Variants in CHL1 observed in about 807,000 individuals in gnomAD.
The protein encoded by CHL1 is cell adhesion molecule L1 like.
CHL1 carries 96 observed loss-of-function variants against 141.9 expected under a neutral mutation model. That is an observed-to-expected ratio of 0.68 (90% CI 0.57 to 0.80). The LOEUF (loss-of-function observed/expected upper bound fraction) is 0.80, where lower values mean the gene tolerates loss of function less well. Among genes scored for constraint, CHL1 ranks in the 30% least tolerant of loss-of-function variants. The pLI is 0.00. For synonymous variants in CHL1, 613 were observed against 502.2 expected, an observed-to-expected ratio of 1.22 and a Z score of -2.95; for missense variants, 1,820 against 1,457.2, an observed-to-expected ratio of 1.25 and a Z score of -4.05.
At chr3:356,040 C>T (rs116482798) in intron 11 of CHL1, among the ~76,000 whole-genome samples, 15 of 152,224 alleles carry the variant, frequency 9.9e-5, no homozygotes, top group Middle Eastern at 3.4e-3. Context: ...AAAAACAGCC[C>T]CCCGTAAGGT....
At chr3:234,369 C>T (rs764585139) in intron 1 of CHL1, among the ~76,000 whole-genome samples, 3 of 152,034 alleles carry the variant, frequency 2.0e-5, no homozygotes, top group Admixed American at 6.6e-5. Context: ...GGGTAGAAAG[C>T]GAGTTTCTGC....
intron 1 of CHL1, among the ~76,000 whole-genome samples, chr3:240,684 A>T (rs969982420): frequency 6.6e-6 from 1 of 152,156 alleles, no homozygotes; most frequent in South Asian, 2.1e-4. Context: ...CAATGTCTAG[A>T]AGAGTTTTTC....
At chr3:322,644 A>AAATATATATATATATATATATATAT (rs1559252578) in intron 3 of CHL1, among the ~76,000 whole-genome samples, 1 of 82,684 alleles carries the variant, frequency 1.2e-5, no homozygotes, top group African/African-American at 1.0e-4. Context: ...TATATATATA[A>AAATATATATATATATATATATATAT]AATATATATA....
chr3:238,319 A>G (rs560465067), intron 1 of CHL1, among the ~76,000 whole-genome samples: 1 of 152,268 alleles, frequency 6.6e-6, no homozygotes, highest in East Asian at 1.9e-4. Flanking sequence ...AATATTGACT[A>G]AAAGCTGAGG....
At chr3:230,885 A>G (rs1701797136) in intron 1 of CHL1, among the ~76,000 whole-genome samples, 2 of 152,110 alleles carry the variant, frequency 1.3e-5, no homozygotes, top group Admixed American at 1.3e-4. Flanking sequence ...CAGATCAGAG[A>G]TGATTTTTGA....
At position 242,604 on chromosome 3, in the gene CHL1, T is replaced by TA. The variant is rs550769338; in HGVS notation, c.-174-2006dup. ...GAGTGGGACTCCATCTCAAAATAAATAAATAAAATAAAATAAAATAAAATA... is the reference window on the plus strand; with the variant it reads ...GAGTGGGACTCCATCTCAAAATAAATAAAATAAAATAAAATAAAATAAAATA... On this transcript the variant is annotated intron_variant, in intron 1 of 27. Transcript: ENST00000256509. Among the ~76,000 whole-genome samples the TA allele has an allele frequency of 9.0e-4, 96 of 106,710 alleles. 1 individual carries two copies. Among genetic ancestry groups the TA allele is most frequent in the South Asian group, 6.3e-3 (25 of 3,956 alleles). The allele number at this position is 106,710 out of a possible 152,430, so 70.0% of individuals were successfully genotyped here.
At chr3:313,096 G>A (rs1699885590) in intron 2 of CHL1, among the ~76,000 whole-genome samples, 1 of 152,036 alleles carries the variant, frequency 6.6e-6, no homozygotes, top group South Asian at 2.1e-4. Flanking sequence ...TTGGCTGTGT[G>A]CATTCCATGT....
Position 405,959 on chromosome 3 carries a change from G to T in CHL1, c.*248G>T. On this transcript the variant is annotated 3_prime_UTR_variant, in exon 28 of 28. Transcript: ENST00000256509. Reference sequence around the variant, plus strand: ...AAATGCAAAACACAAAACAAATCCTGCATTTAGATACACCTCAACTAAATC... The same window carrying T: ...AAATGCAAAACACAAAACAAATCCTTCATTTAGATACACCTCAACTAAATC... 2.5e-6 allele frequency: 1 copy of T among 406,692 alleles called. No homozygotes were observed. Among genetic ancestry groups the T allele is most frequent in the Non-Finnish European group, 4.5e-6 (1 of 220,286 alleles). 25.2% of individuals were successfully genotyped at this position (406,692 alleles called of 1,614,324 possible). A position where few individuals can be genotyped will look rare whatever the true frequency, so the allele number is the denominator to read the frequency against.
Position 307,642 on chromosome 3 carries a change from A to T in CHL1, c.-94-12041A>T, listed in dbSNP as rs114564291. Among the ~76,000 whole-genome samples the T allele has an allele frequency of 1.9e-3, 294 of 152,190 alleles. 3 individuals carry two copies. Among genetic ancestry groups the T allele is most frequent in the African/African-American group, 6.8e-3 (284 of 41,540 alleles). ...CTGAGCAAACATTTCTAGCAAATCC[A>T]CCAATATATACAACACTACTTGTTT... On this transcript the variant is annotated intron_variant, in intron 2 of 27. Transcript: ENST00000256509.
intron 10 of CHL1, among the ~76,000 whole-genome samples, chr3:352,746 TA>T (rs1444434405): frequency 6.6e-6 from 1 of 152,146 alleles, no homozygotes; most frequent in East Asian, 1.9e-4. Context: ...CAAGCAATTA[TA>T]AAGAAAGCTT....
intron 2 of CHL1, among the ~76,000 whole-genome samples, chr3:289,481 T>C (rs952981125): frequency 5.3e-5 from 8 of 152,186 alleles, no homozygotes; most frequent in African/African-American, 9.6e-5. Flanking sequence ...TATGTATTTA[T>C]CCATCTCTCA....
intron 2 of CHL1, among the ~76,000 whole-genome samples, chr3:284,410 C>A (rs1184236274): frequency 1.3e-5 from 2 of 152,206 alleles, no homozygotes; most frequent in Non-Finnish European, 2.9e-5. Context: ...ACTTGCTTCT[C>A]TACCCATATT....
intron 1 of CHL1, among the ~76,000 whole-genome samples, chr3:212,223 G>T (rs1699957729): frequency 6.6e-6 from 1 of 151,940 alleles, no homozygotes; most frequent in Non-Finnish European, 1.5e-5. Flanking sequence ...CTTGTTGGGG[G>T]TTCTGGAACC....
At chr3:287,327 T>C (rs1697251614) in intron 2 of CHL1, among the ~76,000 whole-genome samples, 1 of 152,180 alleles carries the variant, frequency 6.6e-6, no homozygotes, top group Non-Finnish European at 1.5e-5. Flanking sequence ...CTGTGCCAGG[T>C]ACATGCAGAC....
At chr3:342,862 G>A in intron 7 of CHL1, 122 bp from the exon 8 acceptor site, 1 of 653,796 alleles carries the variant, frequency 1.5e-6, no homozygotes, top group East Asian at 2.8e-5. Flanking sequence ...CAATGTTCTA[G>A]TGAAGCATGG....
chr3:305,135 AG>A (rs1699113861), intron 2 of CHL1, among the ~76,000 whole-genome samples: 4 of 152,204 alleles, frequency 2.6e-5, no homozygotes, highest in Admixed American at 2.0e-4. Context: ...TTAGTAGAAA[AG>A]AATGACAGTT....
Position 306,895 on chromosome 3 carries a change from T to G in CHL1, c.-94-12788T>G, listed in dbSNP as rs572585748. Among the ~76,000 whole-genome samples, 18 of 152,304 alleles carry G rather than the reference T, an allele frequency of 1.2e-4. No homozygotes were observed. The South Asian group carries it at 3.5e-3, about 30-fold the overall frequency. On this transcript the variant is annotated intron_variant, in intron 2 of 27. Transcript: ENST00000256509. ...GACCATCCCTGTCACTACAAGATCC[T>G]TAAGTGCCTTTTGATGAGCAAAGAA...
intron 1 of CHL1, among the ~76,000 whole-genome samples, chr3:235,183 G>C (rs1226124066): frequency 6.6e-6 from 1 of 151,724 alleles, no homozygotes; most frequent in Non-Finnish European, 1.5e-5. Flanking sequence ...AAATATTTGT[G>C]TCACTAATCT....
At chr3:369,488 G>A (rs1705346351) in intron 15 of CHL1, among the ~76,000 whole-genome samples, 1 of 152,228 alleles carries the variant, frequency 6.6e-6, no homozygotes, top group Non-Finnish European at 1.5e-5. Flanking sequence ...ATCAGTTCAA[G>A]GAGTTTTGGG....
Sources: allele counts gnomAD v4.1 joint callset (sites outside exome capture counted in the v4.1 genomes callset), GRCh38; gene constraint gnomAD v4.1.1; transcripts MANE v1.5; gene names NCBI Gene and HGNC (gene_info 2026-07-23, HGNC 2026-07-21).